Variants in GPC5 observed in about 807,000 individuals in gnomAD.
The protein encoded by GPC5 is glypican 5, also known as glypican-5.
GPC5 carries 47 observed loss-of-function variants against 53.9 expected under a neutral mutation model. The observed-to-expected ratio is 0.87, with a 90% CI of 0.69 to 1.11. The LOEUF (loss-of-function observed/expected upper bound fraction) is 1.11, where lower values mean the gene tolerates loss of function less well. Among genes scored for constraint, GPC5 ranks in the 50% most tolerant of loss-of-function variants. The pLI is 0.00. For missense variants in GPC5, 748 were observed against 713.1 expected (o/e 1.05, Z -0.56); for synonymous variants, 286 against 263.3 (o/e 1.09, Z -0.84).
chr13:92,521,156 G>T (rs1378762240), intron 7 of GPC5, among the ~76,000 whole-genome samples: 6 of 152,136 alleles, frequency 3.9e-5, no homozygotes, highest in Non-Finnish European at 8.8e-5. Flanking sequence ...AACATTCCAT[G>T]CTCACGGGTG....
chr13:91,700,239 T>C (rs2035965088), intron 3 of GPC5, among the ~76,000 whole-genome samples: 2 of 152,166 alleles, frequency 1.3e-5, no homozygotes. Context: ...ATGTACCTCA[T>C]AATGAGGCAA....
intron 7 of GPC5, among the ~76,000 whole-genome samples, chr13:92,751,450 A>C (rs1176803252): frequency 1.6e-4 from 25 of 152,032 alleles, no homozygotes; most frequent in Admixed American, 1.6e-3. Flanking sequence ...AGTCCAACAA[A>C]TGCAGGAAGA....
At chr13:92,561,929 C>T (rs986903903) in intron 7 of GPC5, among the ~76,000 whole-genome samples, 5 of 151,914 alleles carry the variant, frequency 3.3e-5, no homozygotes, top group Admixed American at 1.3e-4. Flanking sequence ...CTGTTGTGAC[C>T]GAAGAGATCA....
intron 7 of GPC5, among the ~76,000 whole-genome samples, chr13:92,346,626 A>G (rs2043414980): frequency 6.6e-6 from 1 of 152,208 alleles, no homozygotes; most frequent in South Asian, 2.1e-4. Context: ...ACAGAAAACA[A>G]TGCAAGCACA....
At chr13:92,336,394 T>A (rs2043323245) in intron 7 of GPC5, among the ~76,000 whole-genome samples, 2 of 152,204 alleles carry the variant, frequency 1.3e-5, no homozygotes, top group African/African-American at 4.8e-5. Context: ...TAAAAACATT[T>A]TTGTATTTGT....
intron 7 of GPC5, among the ~76,000 whole-genome samples, chr13:92,251,806 C>T (rs1431427400): frequency 6.6e-6 from 1 of 152,064 alleles, no homozygotes; most frequent in African/African-American, 2.4e-5. Context: ...CTTAAGTGAC[C>T]ATTCCTAATA....
intron 2 of GPC5, among the ~76,000 whole-genome samples, chr13:91,622,428 T>C (rs1376136052): frequency 6.6e-6 from 1 of 152,188 alleles, no homozygotes; most frequent in East Asian, 1.9e-4. Context: ...TTTTATGGCT[T>C]TTTATATGTT....
intron 6 of GPC5, among the ~76,000 whole-genome samples, chr13:92,066,806 A>G (rs566297309): frequency 1.8e-4 from 27 of 152,058 alleles, no homozygotes; most frequent in Non-Finnish European, 3.5e-4. Context: ...TATTTAATAT[A>G]TTTTGTGTCA....
intron 7 of GPC5, among the ~76,000 whole-genome samples, chr13:92,797,819 T>TGATAGATAGATAGATAGATA (rs10553721): frequency 3.5e-5 from 5 of 143,494 alleles, no homozygotes; most frequent in East Asian, 2.1e-4. Flanking sequence ...ATTCAAGGGA[T>TGATAGATAGATAGATAGATA]GATAGATAGA....
intron 7 of GPC5, among the ~76,000 whole-genome samples, chr13:92,385,571 C>CGCATATATACATATAT (rs1874636765): frequency 2.0e-5 from 1 of 48,908 alleles, no homozygotes; most frequent in African/African-American, 9.7e-5. Context: ...TATACATATA[C>CGCATATATACATATAT]GCATATATAA....
chr13:92,466,480 G>A lies in GPC5; in HGVS notation c.1561+321491G>A, dbSNP rs780266938. ...TTTCTAAATAGCTTTAGACCATTACGGTGTAAGGAAAATGTGGTTAAGAGA... is the reference window on the plus strand; with the variant it reads ...TTTCTAAATAGCTTTAGACCATTACAGTGTAAGGAAAATGTGGTTAAGAGA... On this transcript the variant is annotated intron_variant, in intron 7 of 7. Transcript: ENST00000377067. Among the ~76,000 whole-genome samples the A allele has an allele frequency of 3.3e-5, 5 of 151,884 alleles. 1 individual carries two copies. The highest frequency in any genetic ancestry group is 1.9e-4 in the East Asian group (1 of 5,150).
At chr13:92,426,031 T>C (rs900140542) in intron 7 of GPC5, among the ~76,000 whole-genome samples, 1 of 152,110 alleles carries the variant, frequency 6.6e-6, no homozygotes, top group African/African-American at 2.4e-5. Flanking sequence ...CTTATTCTAC[T>C]TTTCTGTTAA....
chr13:91,923,297 T>C (rs1285416802), intron 6 of GPC5, among the ~76,000 whole-genome samples: 1 of 152,226 alleles, frequency 6.6e-6, no homozygotes, highest in Non-Finnish European at 1.5e-5. Flanking sequence ...TTTATGAATG[T>C]GCTTTGACGA....
chr13:92,759,863 GC>G (rs1385440967), intron 7 of GPC5, among the ~76,000 whole-genome samples: 1 of 151,976 alleles, frequency 6.6e-6, no homozygotes. Flanking sequence ...TTCATAAATA[GC>G]CTTTATTATA....
intron 2 of GPC5, among the ~76,000 whole-genome samples, chr13:91,649,641 C>CA (rs1184808251): frequency 3.3e-5 from 5 of 152,212 alleles, no homozygotes; most frequent in African/African-American, 1.2e-4. Context: ...CCGTCCACAG[C>CA]ATGTTACGAT....
At chr13:92,254,555 AT>A (rs1171833146) in intron 7 of GPC5, among the ~76,000 whole-genome samples, 1 of 152,128 alleles carries the variant, frequency 6.6e-6, no homozygotes, top group Non-Finnish European at 1.5e-5. Flanking sequence ...AGAACCACGA[AT>A]AAAAAACCAT....
intron 5 of GPC5, among the ~76,000 whole-genome samples, chr13:91,834,893 A>C (rs1031869702): frequency 6.6e-6 from 1 of 152,220 alleles, no homozygotes; most frequent in African/African-American, 2.4e-5. Context: ...AAAATTGACA[A>C]ATGGGATCTA....
chr13:92,425,617 C>G (rs866111226), intron 7 of GPC5, among the ~76,000 whole-genome samples: 8 of 152,062 alleles, frequency 5.3e-5, no homozygotes, highest in African/African-American at 1.9e-4. Flanking sequence ...TTCTCCTGTT[C>G]AACCTTTGTA....
At chr13:91,846,984 C>G (rs1489920041) in intron 5 of GPC5, among the ~76,000 whole-genome samples, 1 of 152,016 alleles carries the variant, frequency 6.6e-6, no homozygotes, top group African/African-American at 2.4e-5. Flanking sequence ...CTTTGGGAGG[C>G]TGAGGTGCGC....
Sources: gnomAD v4.1 joint callset for allele counts (sites outside exome capture counted in the v4.1 genomes callset) on GRCh38, gnomAD v4.1.1 for gene constraint, MANE v1.5 for transcripts, NCBI Gene and HGNC (gene_info 2026-07-23, HGNC 2026-07-21) for gene names.